ADARB2: variants seen among roughly 807,000 people sequenced by gnomAD.
ADARB2 encodes adenosine deaminase RNA specific B2 (inactive), also known as inactive double-stranded RNA-specific editase B2.
Under a neutral mutation model 62.2 loss-of-function variants are expected in ADARB2, and 25 were observed. That is an observed-to-expected ratio of 0.40 (90% CI 0.29 to 0.56). The LOEUF (loss-of-function observed/expected upper bound fraction) is 0.56. Among genes scored for constraint, ADARB2 ranks in the 20% least tolerant of loss-of-function variants. ADARB2 has a pLI of 0.43. For missense variants in ADARB2, 1,071 were observed against 1,077.4 expected, an observed-to-expected ratio of 0.99 and a Z score of 0.08; for synonymous variants, 572 against 500.8, an observed-to-expected ratio of 1.14 and a Z score of -1.90.
At chr10:1,355,972 C>A (rs963326270) in intron 3 of ADARB2, among the ~76,000 whole-genome samples, 6 of 152,216 alleles carry the variant, frequency 3.9e-5, no homozygotes, top group African/African-American at 1.4e-4. Flanking sequence ...GTATATCATA[C>A]ATTGTATTTA....
chr10:1,545,834 C>T (rs80141416), intron 1 of ADARB2, among the ~76,000 whole-genome samples: 3,387 of 152,284 alleles, frequency 0.022, 123 homozygotes, highest in African/African-American at 0.076. Context: ...GTCAGCAGAA[C>T]GGCCAGTGCT....
At chr10:1,436,852 A>G (rs1830839965) in intron 1 of ADARB2, among the ~76,000 whole-genome samples, 1 of 152,208 alleles carries the variant, frequency 6.6e-6, no homozygotes, top group African/African-American at 2.4e-5. Flanking sequence ...CTTCTCAAAG[A>G]CATTATGCAG....
chr10:1,199,220 C>G (rs992843530), intron 8 of ADARB2, among the ~76,000 whole-genome samples: 3 of 151,914 alleles, frequency 2.0e-5, no homozygotes, highest in South Asian at 2.1e-4. Context: ...ACCCACCCCC[C>G]CGCTTCCCGC....
intron 1 of ADARB2, 40 bp from the exon 2 acceptor site, chr10:1,379,200 G>A: frequency 6.6e-7 from 1 of 1,520,316 alleles, no homozygotes; most frequent in Non-Finnish European, 9.1e-7. Context: ...TTGACATGGA[G>A]TTGCGGAAAA....
intron 1 of ADARB2, among the ~76,000 whole-genome samples, chr10:1,434,423 G>A (rs993193321): frequency 2.0e-5 from 3 of 152,290 alleles, no homozygotes; most frequent in Non-Finnish European, 2.9e-5. Flanking sequence ...TCTCACTAAC[G>A]CAGGCCTCCG....
intron 1 of ADARB2, among the ~76,000 whole-genome samples, chr10:1,532,793 G>A (rs1832264728): frequency 1.3e-5 from 2 of 152,320 alleles, no homozygotes; most frequent in South Asian, 4.1e-4. Context: ...GCAGGTGAGG[G>A]CACAGGCAGG....
At chr10:1,632,141 T>C (rs1036645260) in intron 1 of ADARB2, among the ~76,000 whole-genome samples, 2 of 152,218 alleles carry the variant, frequency 1.3e-5, no homozygotes, top group African/African-American at 4.8e-5. Context: ...TAATCTAAAC[T>C]GGATAAATTC....
intron 4 of ADARB2, 146 bp downstream of exon 4, chr10:1,270,809 G>A (rs1831253807): frequency 1.4e-6 from 1 of 697,008 alleles, no homozygotes; most frequent in Non-Finnish European, 2.4e-6. Flanking sequence ...TCTGGCCACT[G>A]ATCTCTGTAT....
intron 1 of ADARB2, among the ~76,000 whole-genome samples, chr10:1,658,394 TTCTCTG>T (rs1202753300): frequency 6.6e-6 from 1 of 151,936 alleles, no homozygotes; most frequent in Non-Finnish European, 1.5e-5. Context: ...TCTCTTGTCT[TTCTCTG>T]TCTCTATCTG....
intron 1 of ADARB2, among the ~76,000 whole-genome samples, chr10:1,703,312 G>A (rs138516388): frequency 7.2e-5 from 11 of 152,280 alleles, no homozygotes; most frequent in African/African-American, 2.4e-4. Flanking sequence ...ACATTTTAGC[G>A]TACTTCTAAG....
chr10:1,726,727 C>A (rs796517022), intron 1 of ADARB2, among the ~76,000 whole-genome samples: 7 of 152,314 alleles, frequency 4.6e-5, no homozygotes, highest in African/African-American at 7.2e-5. Flanking sequence ...CAGTGCCTGG[C>A]TCTCCGTAGA....
intron 8 of ADARB2, among the ~76,000 whole-genome samples, chr10:1,195,585 G>A (rs1357497100): frequency 2.0e-5 from 3 of 152,062 alleles, no homozygotes; most frequent in African/African-American, 7.2e-5. Flanking sequence ...GTGTGGCTGT[G>A]AGCAATGAGG....
In ADARB2 at chr10:1,189,751, G is replaced by A. The variant is rs1012652116; in HGVS notation, c.1865-4712C>T. On this transcript the variant is annotated intron_variant, in intron 8 of 9. Transcript: ENST00000381312. ...GGCCCTACCTCCTTCCCCAGAACAC[G>A]TGGCGCTACCTCCTTCCCCAGAACA... Among the ~76,000 whole-genome samples the A allele has an allele frequency of 1.6e-4, 24 of 150,404 alleles. 1 individual carries two copies. The highest frequency in any genetic ancestry group is 3.7e-4 in the African/African-American group (15 of 40,442).
intron 2 of ADARB2, among the ~76,000 whole-genome samples, chr10:1,373,016 A>G (rs79879903): frequency 0.017 from 2,577 of 152,350 alleles, 34 homozygotes; most frequent in South Asian, 0.053. Flanking sequence ...AAACCATCCC[A>G]TGCTCATGGA....
In ADARB2 at chr10:1,555,610, G is replaced by A. The variant is rs573060849; in HGVS notation, c.101-176450C>T. On this transcript the variant is annotated intron_variant, in intron 1 of 9. Transcript: ENST00000381312. ...AACTGTGTCCCTGTGTCAGGTATGCGAGACTACAAGGCAGAGCTGAGGGCC... is the reference window on the plus strand; with the variant it reads ...AACTGTGTCCCTGTGTCAGGTATGCAAGACTACAAGGCAGAGCTGAGGGCC... Among the ~76,000 whole-genome samples, 22 of 152,204 alleles carry A rather than the reference G, an allele frequency of 1.4e-4. No homozygotes were observed. In the South Asian group the frequency reaches 1.4e-3, roughly 10 times the overall value.
intron 1 of ADARB2, among the ~76,000 whole-genome samples, chr10:1,468,356 T>C (rs76548416): frequency 0.091 from 13,875 of 152,166 alleles, 836 homozygotes; most frequent in East Asian, 0.31. Flanking sequence ...TCCGGGTCCC[T>C]GATGAGAATG....
intron 4 of ADARB2, among the ~76,000 whole-genome samples, chr10:1,244,283 CTTCGTTAAAGCTG>C (rs545866414): frequency 4.7e-4 from 71 of 152,364 alleles, no homozygotes; most frequent in African/African-American, 1.7e-3. Context: ...CAGGTTCCAG[CTTCGTTAAAGCTG>C]GTATTTAGAG....
chr10:1,366,972 G>A (rs1832319239), intron 2 of ADARB2, among the ~76,000 whole-genome samples: 1 of 152,246 alleles, frequency 6.6e-6, no homozygotes. Context: ...GCGGCTGGAT[G>A]TTGACACGTG....
At chr10:1,379,569 G>C (rs184651624) in intron 1 of ADARB2, among the ~76,000 whole-genome samples, 1 of 152,210 alleles carries the variant, frequency 6.6e-6, no homozygotes, top group African/African-American at 2.4e-5. Context: ...TGCCAATAAA[G>C]CCAAGACTAT....
Sources: gnomAD v4.1 joint callset for allele counts (sites outside exome capture counted in the v4.1 genomes callset) on GRCh38, gnomAD v4.1.1 for gene constraint, MANE v1.5 for transcripts, NCBI Gene and HGNC (gene_info 2026-07-23, HGNC 2026-07-21) for gene names.